Variants in CCDC146 observed in about 807,000 individuals in gnomAD.
The protein encoded by CCDC146 is coiled-coil domain containing 146.
Under a neutral mutation model 119.3 loss-of-function variants are expected in CCDC146, and 92 were observed. That is an observed-to-expected ratio of 0.77 (90% CI 0.65 to 0.92). The LOEUF (loss-of-function observed/expected upper bound fraction) is 0.92, where lower values mean the gene tolerates loss of function less well. Among genes scored for constraint, CCDC146 ranks in the 40% least tolerant of loss-of-function variants. CCDC146 has a pLI of 0.00. For missense variants in CCDC146, 1,000 were observed against 1,103.0 expected (o/e 0.91, Z 1.32); for synonymous variants, 372 against 371.8 (o/e 1.00, Z -0.01).
chr7:77,151,800 A>G (rs1273137768), intron 1 of CCDC146, among the ~76,000 whole-genome samples: 1 of 152,150 alleles, frequency 6.6e-6, no homozygotes, highest in Admixed American at 6.5e-5. Context: ...GGTCTTAGAC[A>G]TAGGTCTCAA....
intron 1 of CCDC146, among the ~76,000 whole-genome samples, chr7:77,126,923 G>C: frequency 6.6e-6 from 1 of 152,038 alleles, no homozygotes; most frequent in Non-Finnish European, 1.5e-5. Flanking sequence ...CCTTACTGGG[G>C]ACCTGCCCCC....
At chr7:77,123,352 C>T (rs1790651100) in intron 1 of CCDC146, among the ~76,000 whole-genome samples, 1 of 150,166 alleles carries the variant, frequency 6.7e-6, no homozygotes, top group Non-Finnish European at 1.5e-5. Context: ...TCACCTAGAC[C>T]TGTTTCTTTA....
At chr7:77,194,925 G>A (rs1345457476) in intron 2 of CCDC146, 2 of 151,914 alleles carry the variant, frequency 1.3e-5, no homozygotes, top group African/African-American at 4.8e-5. Context: ...CTTCTGTTTG[G>A]GTAAAAATCT....
At chr7:77,259,895 G>GA in intron 7 of CCDC146, 114 bp from the exon 8 acceptor site, 1 of 723,854 alleles carries the variant, frequency 1.4e-6, no homozygotes, top group East Asian at 2.6e-5. Context: ...TGCATGGTTA[G>GA]AAAGCAAGAA....
intron 2 of CCDC146, among the ~76,000 whole-genome samples, chr7:77,172,959 C>G (rs1791445281): frequency 6.6e-6 from 1 of 152,128 alleles, no homozygotes; most frequent in Non-Finnish European, 1.5e-5. Context: ...ACAGGGGTTT[C>G]TCCAACCTCT....
At chr7:77,222,104 TTTCAAGCCCCCTTACCAGTGAATTAGCAA>T (rs1421724477) in intron 2 of CCDC146, among the ~76,000 whole-genome samples, 1 of 152,204 alleles carries the variant, frequency 6.6e-6, no homozygotes, top group Non-Finnish European at 1.5e-5. Context: ...GCGGCCAGGA[TTTCAAGCCCCCTTACCAGTGAATTAGCAA>T]GAGTGGAACT....
At chr7:77,197,095 T>A in intron 2 of CCDC146, 1 of 699,760 alleles carries the variant, frequency 1.4e-6, no homozygotes, top group Non-Finnish European at 2.4e-6. Context: ...ATGGCAGTAA[T>A]GAAACTTTAC....
chr7:77,271,065 A>C (rs1462475259), intron 9 of CCDC146, among the ~76,000 whole-genome samples: 2 of 151,938 alleles, frequency 1.3e-5, no homozygotes, highest in Non-Finnish European at 2.9e-5. Context: ...AAAAAAAAAA[A>C]AAAACAGCAT....
Position 77,233,255 on chromosome 7 carries a change from A to AT in CCDC146, c.157-3684dup, listed in dbSNP as rs532189139. 2.1e-3 allele frequency among the ~76,000 whole-genome samples: 324 copies of AT among 151,366 alleles called. 1 individual carries two copies. Among genetic ancestry groups the AT allele is most frequent in the Non-Finnish European group, 3.7e-3 (248 of 67,732 alleles). Reference sequence around the variant, plus strand: ...AGGCATGCGCCACCATGCCCAGCTAATTTTTTTTGTATTTTTAGTAGAGAT... The same window carrying AT: ...AGGCATGCGCCACCATGCCCAGCTAATTTTTTTTTGTATTTTTAGTAGAGAT... On this transcript the variant is annotated intron_variant, in intron 2 of 18. Transcript: ENST00000285871.
At chr7:77,242,115 G>T (rs563910632) in intron 4 of CCDC146, among the ~76,000 whole-genome samples, 1 of 152,340 alleles carries the variant, frequency 6.6e-6, no homozygotes, top group African/African-American at 2.4e-5. Context: ...GATGCCTGCT[G>T]TGTTTTTCAT....
chr7:77,294,567 A>AGTCTTT, intron 18 of CCDC146, 96 bp from the exon 19 acceptor site: 1 of 1,212,192 alleles, frequency 8.2e-7, no homozygotes, highest in East Asian at 2.4e-5. Context: ...GCACGGTCAA[A>AGTCTTT]GACTGTCCAG....
chr7:77,139,935 G>T (rs991030936), intron 1 of CCDC146, among the ~76,000 whole-genome samples: 1 of 144,326 alleles, frequency 6.9e-6, no homozygotes, highest in Non-Finnish European at 1.5e-5. Flanking sequence ...AGTCTTGCTT[G>T]TCACCCAGGC....
chr7:77,257,553 G>A (rs919579865), intron 6 of CCDC146, among the ~76,000 whole-genome samples: 1 of 152,276 alleles, frequency 6.6e-6, no homozygotes, highest in East Asian at 1.9e-4. Flanking sequence ...CCTCTTCCAA[G>A]ATGCTGCACC....
At chr7:77,140,816 G>A (rs911223935) in intron 1 of CCDC146, among the ~76,000 whole-genome samples, 5 of 151,976 alleles carry the variant, frequency 3.3e-5, no homozygotes, top group African/African-American at 9.7e-5. Context: ...TAGTAGACAC[G>A]TTGATATATT....
intron 2 of CCDC146, among the ~76,000 whole-genome samples, chr7:77,173,138 C>G (rs1294682635): frequency 2.6e-5 from 4 of 152,126 alleles, no homozygotes; most frequent in Non-Finnish European, 4.4e-5. Flanking sequence ...ATAGGTGCAG[C>G]AAACCACCAT....
intron 17 of CCDC146, among the ~76,000 whole-genome samples, chr7:77,290,330 A>G (rs1419561623): frequency 1.3e-5 from 2 of 152,132 alleles, no homozygotes; most frequent in Non-Finnish European, 2.9e-5. Context: ...TACATATGTA[A>G]CAAATCTGCA....
chr7:77,198,191 A>G, intron 2 of CCDC146: 1 of 985,466 alleles, frequency 1.0e-6, no homozygotes, highest in Middle Eastern at 5.2e-4. Flanking sequence ...AGTATTACCA[A>G]TAGAGGTCCT....
Position 77,202,767 on chromosome 7 carries a change from A to C in CCDC146, c.157-34180A>C, listed in dbSNP as rs931798815. Among the ~76,000 whole-genome samples the C allele has an allele frequency of 1.4e-4, 21 of 152,218 alleles. 1 individual carries two copies. Among genetic ancestry groups the C allele is most frequent in the African/African-American group, 4.8e-4 (20 of 41,458 alleles). On this transcript the variant is annotated intron_variant, in intron 2 of 18. Coordinates refer to ENST00000285871, the MANE Select transcript of CCDC146 (RefSeq NM_020879.3). ...TTCCTCCCTGCACTTGCAGATGAGCAAAGAAAGGGCTCAAAGCAATAAATG... is the reference window on the plus strand; with the variant it reads ...TTCCTCCCTGCACTTGCAGATGAGCCAAGAAAGGGCTCAAAGCAATAAATG...
chr7:77,204,486 A>G (rs953111350), intron 2 of CCDC146, among the ~76,000 whole-genome samples: 1 of 152,344 alleles, frequency 6.6e-6, no homozygotes, highest in Non-Finnish European at 1.5e-5. Context: ...TGGACCTACA[A>G]TGAAAGATCT....
Sources: gnomAD v4.1 joint callset for allele counts (sites outside exome capture counted in the v4.1 genomes callset) on GRCh38, gnomAD v4.1.1 for gene constraint, MANE v1.5 for transcripts, NCBI Gene and HGNC (gene_info 2026-07-23, HGNC 2026-07-21) for gene names.